UNC5C: variants seen among roughly 807,000 people sequenced by gnomAD.
UNC5C encodes the protein unc-5 netrin receptor C.
A neutral mutation model predicts 99.8 loss-of-function variants in UNC5C; 47 were observed. That is an observed-to-expected ratio of 0.47 (90% confidence interval 0.37 to 0.60). The LOEUF (loss-of-function observed/expected upper bound fraction) is 0.60, where lower values mean the gene tolerates loss of function less well. UNC5C is among the 20% of genes least tolerant of loss of function. The pLI is 0.00. For missense variants in UNC5C, 1,062 were observed against 1,165.9 expected, an observed-to-expected ratio of 0.91 and a Z score of 1.30; for synonymous variants, 487 against 452.2, an observed-to-expected ratio of 1.08 and a Z score of -0.98.
intron 2 of UNC5C, among the ~76,000 whole-genome samples, chr4:95,328,193 C>A (rs1579328142): frequency 1.9e-5 from 2 of 106,382 alleles, no homozygotes; most frequent in South Asian, 8.7e-4. Flanking sequence ...TTAGGTATAT[C>A]TCCCAATGCT....
intron 1 of UNC5C, among the ~76,000 whole-genome samples, chr4:95,538,269 G>C (rs1298385102): frequency 1.3e-5 from 2 of 152,162 alleles, no homozygotes; most frequent in African/African-American, 4.8e-5. Context: ...TTGAAACTGG[G>C]CTTAGCTAAT....
chr4:95,521,222 TTC>T (rs369613385), intron 1 of UNC5C, among the ~76,000 whole-genome samples: 6,690 of 46,728 alleles, frequency 0.14, 505 homozygotes, highest in African/African-American at 0.32. Flanking sequence ...TTTTTCTTTT[TTC>T]TTTTTTTTTT....
chr4:95,240,523 C>A (rs1297051047), intron 7 of UNC5C, among the ~76,000 whole-genome samples: 1 of 152,086 alleles, frequency 6.6e-6, no homozygotes, highest in Non-Finnish European at 1.5e-5. Context: ...GTTACTATAG[C>A]AAATCAGAGC....
chr4:95,375,225 T>C (rs1231777118), intron 1 of UNC5C, among the ~76,000 whole-genome samples: 2 of 152,036 alleles, frequency 1.3e-5, no homozygotes, highest in African/African-American at 4.8e-5. Context: ...GAGTTCAGAA[T>C]CACCATAAAA....
chr4:95,461,857 C>A (rs183375132), intron 1 of UNC5C, among the ~76,000 whole-genome samples: 54 of 152,310 alleles, frequency 3.5e-4, no homozygotes, highest in African/African-American at 1.3e-3. Flanking sequence ...GCTTTCCCTG[C>A]TAACCCAAGA....
intron 1 of UNC5C, among the ~76,000 whole-genome samples, chr4:95,354,479 A>ATTTTTTTTTTTT (rs1553965987): frequency 3.6e-5 from 4 of 110,352 alleles, no homozygotes; most frequent in Admixed American, 9.4e-5. Context: ...ATATATATAT[A>ATTTTTTTTTTTT]TTTTTTTTTT....
intron 12 of UNC5C, among the ~76,000 whole-genome samples, chr4:95,197,745 A>AGAGT (rs1432054748): frequency 2.0e-5 from 3 of 152,166 alleles, no homozygotes; most frequent in Admixed American, 6.5e-5. Flanking sequence ...AGGTATCTTG[A>AGAGT]GAGTATAATA....
intron 1 of UNC5C, among the ~76,000 whole-genome samples, chr4:95,474,223 T>C (rs145611218): frequency 2.0e-5 from 3 of 152,222 alleles, no homozygotes; most frequent in Middle Eastern, 3.4e-3. Context: ...AAAGTTGAGA[T>C]GGAATCAAAC....
At chr4:95,256,714 A>ATATATATATATATATATATATATATG (rs1579272889) in intron 4 of UNC5C, among the ~76,000 whole-genome samples, 29 of 127,152 alleles carry the variant, frequency 2.3e-4, no homozygotes, top group South Asian at 1.1e-3. Flanking sequence ...ATATATATAT[A>ATATATATATATATATATATATATATG]TATATATGAG....
intron 2 of UNC5C, among the ~76,000 whole-genome samples, chr4:95,326,970 C>T (rs975449169): frequency 6.6e-6 from 1 of 152,170 alleles, no homozygotes; most frequent in Non-Finnish European, 1.5e-5. Context: ...ATAAAAGCAA[C>T]TTGTTTGCAA....
chr4:95,510,803 G>T (rs527510148), intron 1 of UNC5C, among the ~76,000 whole-genome samples: 4 of 152,178 alleles, frequency 2.6e-5, no homozygotes, highest in African/African-American at 9.6e-5. Flanking sequence ...TTTAATAAAA[G>T]CCTGTGGAAT....
At chr4:95,396,777 T>G (rs1745522935) in intron 1 of UNC5C, among the ~76,000 whole-genome samples, 2 of 152,156 alleles carry the variant, frequency 1.3e-5, no homozygotes, top group South Asian at 4.1e-4. Flanking sequence ...CTTTTCATTT[T>G]AACAAAGTTG....
chr4:95,517,459 A>T (rs1373121682), intron 1 of UNC5C, among the ~76,000 whole-genome samples: 2 of 152,202 alleles, frequency 1.3e-5, no homozygotes, highest in South Asian at 4.1e-4. Context: ...TCATAAACAC[A>T]TATACACAAA....
chr4:95,447,985 C>T (rs1747156003), intron 1 of UNC5C, among the ~76,000 whole-genome samples: 1 of 152,078 alleles, frequency 6.6e-6, no homozygotes, highest in Non-Finnish European at 1.5e-5. Context: ...AAAGGGCTTT[C>T]ATCAGTAGAG....
intron 5 of UNC5C, among the ~76,000 whole-genome samples, chr4:95,247,559 C>T (rs948042657): frequency 2.0e-5 from 3 of 152,086 alleles, no homozygotes; most frequent in Non-Finnish European, 4.4e-5. Flanking sequence ...CTTTGAAGAT[C>T]GTAGGTTTAT....
chr4:95,487,124 A>C (rs1023695210), intron 1 of UNC5C, among the ~76,000 whole-genome samples: 1 of 151,712 alleles, frequency 6.6e-6, no homozygotes, highest in African/African-American at 2.4e-5. Flanking sequence ...CATGTTCACT[A>C]TAAATTACCC....
intron 1 of UNC5C, among the ~76,000 whole-genome samples, chr4:95,424,671 C>A (rs377617832): frequency 5.3e-5 from 8 of 150,920 alleles, no homozygotes; most frequent in South Asian, 2.1e-4. Flanking sequence ...ACAGGTGCCC[C>A]CCACCACGCC....
At chr4:95,480,228 T>C (rs1721093571) in intron 1 of UNC5C, among the ~76,000 whole-genome samples, 2 of 151,792 alleles carry the variant, frequency 1.3e-5, no homozygotes, top group Admixed American at 6.6e-5. Flanking sequence ...CATGTATATA[T>C]ACATTCATAA....
intron 3 of UNC5C, among the ~76,000 whole-genome samples, chr4:95,287,654 C>T (rs577490069): frequency 6.6e-6 from 1 of 152,296 alleles, no homozygotes; most frequent in East Asian, 1.9e-4. Context: ...TGCTCCAACA[C>T]AGGACTCTGG....
Sources: allele counts gnomAD v4.1 joint callset (sites outside exome capture counted in the v4.1 genomes callset), GRCh38; gene constraint gnomAD v4.1.1; transcripts MANE v1.5; gene names NCBI Gene and HGNC (gene_info 2026-07-23, HGNC 2026-07-21).